The following ABTB2 variants were observed in gnomAD, a reference collection of about 807,000 sequenced individuals.
ABTB2 encodes ankyrin repeat and BTB/POZ domain-containing protein 2.
A neutral mutation model predicts 104.1 loss-of-function variants in ABTB2; 56 were observed. The ratio of observed to expected loss-of-function variants is 0.54; its 90% CI spans 0.43 to 0.67. The LOEUF is 0.67. ABTB2 is among the 30% of genes least tolerant of loss of function. ABTB2 has a pLI of 0.00. For missense variants in ABTB2, 1,279 were observed against 1,407.7 expected, an observed-to-expected ratio of 0.91 and a Z score of 1.46; for synonymous variants, 606 against 608.2, an observed-to-expected ratio of 1.00 and a Z score of 0.05.
chr11:34,356,945 C>A lies in ABTB2; in HGVS notation c.639G>T (p.Trp213Cys). ...GCACGGAGATTCGGGTGTCCACCAT[C>A]CAGCGGAAAAAGCGACCCACTGAGA... Reference protein sequence around the residue: ...LTFSVGRFFRWMVDTRISVRI... With the variant: ...LTFSVGRFFRCMVDTRISVRI... Residue 213 changes from tryptophan to cysteine, a missense_variant, in exon 1 of 17, where the codon TGG becomes TGT. Trp to Cys is a radical substitution (Grantham distance 215). Transcript: ENST00000435224. The surrounding 1 kb of genome is among the most constrained non-coding windows in gnomAD (Gnocchi z 4.6). 6.2e-7 allele frequency: 1 copy of A among 1,600,824 alleles called. No homozygotes were observed.
intron 3 of ABTB2, among the ~76,000 whole-genome samples, chr11:34,174,290 C>A (rs534654404): frequency 2.9e-4 from 43 of 147,594 alleles, no homozygotes; most frequent in Middle Eastern, 3.5e-3. Context: ...GCGCCACTGC[C>A]CTCCAGCCTG....
chr11:34,291,043 CA>C (rs1247299094), intron 1 of ABTB2, among the ~76,000 whole-genome samples: 1 of 152,236 alleles, frequency 6.6e-6, no homozygotes, highest in Non-Finnish European at 1.5e-5. Flanking sequence ...CCAGTGGAAA[CA>C]GAGCAAGTGG....
At chr11:34,280,441 C>T (rs180710423) in intron 1 of ABTB2, among the ~76,000 whole-genome samples, 9 of 152,212 alleles carry the variant, frequency 5.9e-5, no homozygotes, top group Non-Finnish European at 1.2e-4. Flanking sequence ...ATGCCTGTGG[C>T]GACTCAGCAC....
At chr11:34,337,039 C>A (rs1476240120) in intron 1 of ABTB2, among the ~76,000 whole-genome samples, 1 of 152,182 alleles carries the variant, frequency 6.6e-6, no homozygotes, top group South Asian at 2.1e-4. Flanking sequence ...GGCAGTCCAG[C>A]TTCATACCCA....
Position 34,162,482 on chromosome 11 carries a change from T to C in ABTB2, c.2218+94A>G. 2.2e-6 allele frequency: 3 copies of C among 1,348,666 alleles called. No homozygotes were observed. In the South Asian group the frequency reaches 4.1e-5, roughly 18 times the overall value. 83.5% of individuals were successfully genotyped at this position (1,348,666 alleles called of 1,614,324 possible). On this transcript the variant is annotated intron_variant, in intron 10 of 16. Transcript: ENST00000435224. ...GGGGCTTGTCTGTCCCTGCAGGCCCTGGCCCTCTCAGGCCTGCTGAAGAGC... is the reference window on the plus strand; with the variant it reads ...GGGGCTTGTCTGTCCCTGCAGGCCCCGGCCCTCTCAGGCCTGCTGAAGAGC...
intron 1 of ABTB2, among the ~76,000 whole-genome samples, chr11:34,235,029 T>C (rs577049083): frequency 6.6e-6 from 1 of 152,196 alleles, no homozygotes; most frequent in East Asian, 1.9e-4. Context: ...GGCTAATTTT[T>C]TTTTTGTATT....
At chr11:34,239,583 A>C (rs138232458) in intron 1 of ABTB2, among the ~76,000 whole-genome samples, 3,812 of 152,020 alleles carry the variant, frequency 0.025, 159 homozygotes, top group African/African-American at 0.087. Flanking sequence ...TTCCCATCTC[A>C]GCCTCCCAAA....
chr11:34,155,293 A>C (rs1478548787), intron 14 of ABTB2, among the ~76,000 whole-genome samples: 1 of 152,210 alleles, frequency 6.6e-6, no homozygotes, highest in East Asian at 1.9e-4. Flanking sequence ...TGTGGAGGTG[A>C]GTGCCCCATC....
chr11:34,281,686 T>C (rs1233367222), intron 1 of ABTB2, among the ~76,000 whole-genome samples: 1 of 152,248 alleles, frequency 6.6e-6, no homozygotes, highest in Non-Finnish European at 1.5e-5. Flanking sequence ...AGTATGTTGA[T>C]AGCTTATTCA....
intron 1 of ABTB2, among the ~76,000 whole-genome samples, chr11:34,211,779 C>T (rs111488822): frequency 0.013 from 1,944 of 151,514 alleles, 23 homozygotes; most frequent in Non-Finnish European, 0.018. Context: ...ATCCCAGCTA[C>T]TCAGGAGGCT....
chr11:34,331,051 A>G (rs1855123843), intron 1 of ABTB2, among the ~76,000 whole-genome samples: 1 of 152,184 alleles, frequency 6.6e-6, no homozygotes, highest in South Asian at 2.1e-4. Flanking sequence ...ACCCCCTCCT[A>G]TGTTCCACCA....
intron 3 of ABTB2, among the ~76,000 whole-genome samples, chr11:34,196,376 A>G (rs1853256668): frequency 6.6e-6 from 1 of 152,042 alleles, no homozygotes; most frequent in Non-Finnish European, 1.5e-5. Flanking sequence ...ACACAGTGCA[A>G]CCCCGTCTCT....
chr11:34,335,222 C>T, intron 1 of ABTB2: 2 of 1,263,858 alleles, frequency 1.6e-6, no homozygotes, highest in South Asian at 1.2e-5. Context: ...TCACTTTAAG[C>T]ATCGAAGGTC....
intron 1 of ABTB2, among the ~76,000 whole-genome samples, chr11:34,287,208 T>C (rs1439385270): frequency 4.1e-5 from 6 of 145,126 alleles, no homozygotes; most frequent in African/African-American, 1.0e-4. Context: ...AAAAGACTCA[T>C]AGGACTGTAC....
chr11:34,234,658 T>A (rs1297826195), intron 1 of ABTB2, among the ~76,000 whole-genome samples: 1 of 152,230 alleles, frequency 6.6e-6, no homozygotes, highest in South Asian at 2.1e-4. Context: ...CTTTTCCTTA[T>A]GAAAAGGCAG....
intron 1 of ABTB2, among the ~76,000 whole-genome samples, chr11:34,272,623 C>T (rs770535425): frequency 6.9e-6 from 1 of 144,648 alleles, no homozygotes; most frequent in Admixed American, 7.3e-5. Flanking sequence ...AGGAGAATGG[C>T]GTGAACCTGG....
chr11:34,166,202 G>A (rs920097908), intron 7 of ABTB2, among the ~76,000 whole-genome samples: 2 of 152,240 alleles, frequency 1.3e-5, no homozygotes, highest in African/African-American at 4.8e-5. Context: ...GCAGTCTAGG[G>A]GAGCCCAACC....
chr11:34,305,151 A>G (rs775294254), intron 1 of ABTB2, among the ~76,000 whole-genome samples: 1 of 152,178 alleles, frequency 6.6e-6, no homozygotes, highest in African/African-American at 2.4e-5. Context: ...ACATAAGTAC[A>G]CTTGATCTAG....
At chr11:34,180,862 C>G (rs1410965795) in intron 3 of ABTB2, among the ~76,000 whole-genome samples, 1 of 152,090 alleles carries the variant, frequency 6.6e-6, no homozygotes, top group African/African-American at 2.4e-5. Context: ...AGCTATTATT[C>G]CCCCCTTTAA....
Sources: allele counts gnomAD v4.1 joint callset (sites outside exome capture counted in the v4.1 genomes callset), GRCh38; gene constraint gnomAD v4.1.1; non-coding constraint Gnocchi (gnomAD v3.1); transcripts MANE v1.5; gene names NCBI Gene and HGNC (gene_info 2026-07-23, HGNC 2026-07-21).